NELFA: variants seen among roughly 807,000 people sequenced by gnomAD.
NELFA encodes negative elongation factor complex member A.
Under a neutral mutation model 51.8 loss-of-function variants are expected in NELFA, and 35 were observed. The ratio of observed to expected loss-of-function variants is 0.68; its 90% confidence interval spans 0.52 to 0.90. NELFA has a LOEUF of 0.90. Among genes scored for constraint, NELFA ranks in the 40% least tolerant of loss-of-function variants. NELFA has a pLI of 0.00. For missense variants in NELFA, 658 were observed against 746.4 expected, an observed-to-expected ratio of 0.88 and a Z score of 1.38; for synonymous variants, 417 against 338.4, an observed-to-expected ratio of 1.23 and a Z score of -2.55.
intron 1 of NELFA, among the ~76,000 whole-genome samples, chr4:1,994,631 G>A (rs529118994): frequency 2.9e-4 from 44 of 151,544 alleles, no homozygotes; most frequent in Non-Finnish European, 4.4e-4. Flanking sequence ...TGAGGTGGGC[G>A]GATCACAAGG....
At chr4:1,997,829 G>A (rs1728472548) in intron 1 of NELFA, among the ~76,000 whole-genome samples, 1 of 152,192 alleles carries the variant, frequency 6.6e-6, no homozygotes. Flanking sequence ...CCAACTAGGT[G>A]AGACCCTCCA....
At chr4:1,999,147 A>G (rs1728506056) in intron 1 of NELFA, among the ~76,000 whole-genome samples, 1 of 151,920 alleles carries the variant, frequency 6.6e-6, no homozygotes, top group Admixed American at 6.6e-5. Flanking sequence ...CTCTGGAAAG[A>G]AGCACTAAAT....
At chr4:1,996,571 T>A (rs550340239) in intron 1 of NELFA, among the ~76,000 whole-genome samples, 7 of 152,308 alleles carry the variant, frequency 4.6e-5, no homozygotes, top group African/African-American at 1.7e-4. Flanking sequence ...TCAACAAACA[T>A]CTGGTGAGAT....
At chr4:1,993,053 C>A (rs1273011764) in intron 1 of NELFA, among the ~76,000 whole-genome samples, 1 of 152,242 alleles carries the variant, frequency 6.6e-6, no homozygotes, top group Admixed American at 6.5e-5. Flanking sequence ...CACGCTGCCT[C>A]TGGCAGCCGC....
chr4:1,992,550 C>A (rs561564065), intron 1 of NELFA: 2 of 357,848 alleles, frequency 5.6e-6, no homozygotes, highest in Admixed American at 3.3e-5. Flanking sequence ...GCTGGGCTGG[C>A]TGGCGCTGGG....
chr4:1,984,026 G>A lies in NELFA; in HGVS notation c.1124C>T (p.Pro375Leu). 1 of 1,607,658 alleles carries A rather than the reference G, an allele frequency of 6.2e-7. No individual in the cohort carries two copies. The highest frequency in any genetic ancestry group is 1.3e-5 in the African/African-American group (1 of 75,024). ...TLPAQFKQRAPMYNSGLSPAT... is the reference protein window; with the variant it reads ...TLPAQFKQRALMYNSGLSPAT... ...AGGGCTCAGGCCGCTGTTGTACATG[G>A]GCGCCCGCTGCTTGAACTGCGCTGG... Residue 375 changes from proline (P) to leucine (L), a missense_variant, in exon 9 of 11, where the codon CCC (proline) becomes CTC (leucine). Pro to Leu is a moderately conservative substitution (Grantham distance 98). Around this residue, in one of 3 missense-constraint regions of NELFA, gnomAD observed 200 missense variants for 167.9 expected, o/e 1.19. Transcript: ENST00000382882.
intron 3 of NELFA, among the ~76,000 whole-genome samples, chr4:1,988,556 C>T (rs1728181632): frequency 6.6e-6 from 1 of 152,200 alleles, no homozygotes; most frequent in Non-Finnish European, 1.5e-5. Flanking sequence ...CGGGGCTGCA[C>T]GGAGCCTCCC....
rs550420710 is a variant in NELFA at position 1,988,091 on chromosome 4, C to G, written c.545-84G>C. ...TAAAAACATCTCTGTCAAGTGGATT[C>G]ATCCGACGGCCTGAGCCGTGAACGC... On this transcript the variant is annotated intron_variant, in intron 3 of 10. Transcript: ENST00000382882. The G allele has an allele frequency of 5.0e-6, 6 of 1,193,280 alleles. No individual in the cohort carries two copies. In the East Asian group the frequency reaches 1.5e-4, roughly 29 times the overall value. The allele number at this position is 1,193,280 out of a possible 1,614,324, so 73.9% of individuals were successfully genotyped here.
At position 2,008,897 on chromosome 4, in the gene NELFA, G is replaced by A. The variant is rs768611590; in HGVS notation, c.63C>T (p.Asp21=). ...CGATGCTGGGCGGCGCCCACAGCTC[G>A]TCCGTGGCCCCCAGCTTGTTGTGCA... is the stretch of plus-strand genomic sequence containing the variant. ...LWLHNKLGAT[D]ELWAPPSIAS... Residue 21 remains aspartate (D), a synonymous_variant, in exon 1 of 11, where the codon GAC becomes GAT. Coordinates refer to ENST00000382882, the MANE Select transcript of NELFA (RefSeq NM_005663.5). The A allele has an allele frequency of 8.2e-6, 13 of 1,586,596 alleles. No individual in the cohort carries two copies. In the South Asian group the frequency reaches 1.0e-4, roughly 13 times the overall value.
chr4:1,996,415 G>A (rs747930747), intron 1 of NELFA, among the ~76,000 whole-genome samples: 2 of 152,052 alleles, frequency 1.3e-5, no homozygotes, highest in South Asian at 2.1e-4. Context: ...ATACACACAC[G>A]AAAAGAAGCC....
At chr4:1,995,496 T>A (rs1051089711) in intron 1 of NELFA, among the ~76,000 whole-genome samples, 3 of 152,216 alleles carry the variant, frequency 2.0e-5, no homozygotes, top group Non-Finnish European at 4.4e-5. Context: ...AACCTTTTTT[T>A]AAATACCAAG....
chr4:1,991,676 G>C lies in NELFA; in HGVS notation c.250C>G (p.Leu84Val), dbSNP rs201015263. The change falls in exon 2 of 11, where the codon CTC becomes GTC. Residue 84 changes from leucine to valine, a missense_variant. Coordinates refer to ENST00000382882, the MANE Select transcript of NELFA (RefSeq NM_005663.5). ...ATGAGCACCCAGGGGTCCGAGTCGAGGCTGGCGAGCTGGATGATCTCCATT... is the reference window on the plus strand; with the variant it reads ...ATGAGCACCCAGGGGTCCGAGTCGACGCTGGCGAGCTGGATGATCTCCATT... ...ALMEIIQLASLDSDPWVLMVA... is the reference protein window; with the variant it reads ...ALMEIIQLASVDSDPWVLMVA... The C allele has an allele frequency of 1.9e-6, 3 of 1,612,262 alleles. No homozygotes were observed. The African/African-American group carries it at 4.0e-5, about 22-fold the overall frequency.
intron 8 of NELFA, 134 bp downstream of exon 8, chr4:1,984,674 G>A: frequency 3.1e-6 from 2 of 649,462 alleles, no homozygotes; most frequent in East Asian, 2.8e-5. Flanking sequence ...TCTGCCCCCA[G>A]CAGATTCTGG....
intron 7 of NELFA, 79 bp downstream of exon 7, chr4:1,985,697 G>A (rs1187322955): frequency 1.9e-6 from 2 of 1,079,228 alleles, no homozygotes; most frequent in East Asian, 4.8e-5. Context: ...TTCTCCGACA[G>A]AGCACACTAG....
intron 1 of NELFA, chr4:2,008,022 A>C (rs1245335606): frequency 2.2e-6 from 1 of 457,024 alleles, no homozygotes; most frequent in East Asian, 6.9e-5. Context: ...TAAAACGGAC[A>C]CAGAGCGCTC....
At chr4:1,988,346 C>T (rs1728173708) in intron 3 of NELFA, among the ~76,000 whole-genome samples, 1 of 152,262 alleles carries the variant, frequency 6.6e-6, no homozygotes, top group South Asian at 2.1e-4. Context: ...GCACCGTCCT[C>T]GCTGAGGGTC....
At chr4:1,991,871 G>A (rs1728278686) in intron 1 of NELFA, 156 bp from the exon 2 acceptor site, 4 of 731,570 alleles carry the variant, frequency 5.5e-6, no homozygotes, top group Non-Finnish European at 8.6e-6. Context: ...TGAGCCCCCC[G>A]CCTCACCCCA....
At chr4:1,997,681 A>G (rs1728461654) in intron 1 of NELFA, among the ~76,000 whole-genome samples, 1 of 152,226 alleles carries the variant, frequency 6.6e-6, no homozygotes, top group Admixed American at 6.5e-5. Flanking sequence ...CACTATGGAA[A>G]ATAGTTTGGC....
chr4:1,994,175 G>A (rs1195568963), intron 1 of NELFA, among the ~76,000 whole-genome samples: 8 of 152,150 alleles, frequency 5.3e-5, no homozygotes, highest in Admixed American at 6.5e-5. Flanking sequence ...TGAGGCAGGA[G>A]GATCACTTGA....
Sources: allele counts gnomAD v4.1 joint callset (sites outside exome capture counted in the v4.1 genomes callset), GRCh38; gene constraint gnomAD v4.1.1; regional missense constraint gnomAD v4.1.1; transcripts MANE v1.5; gene names NCBI Gene and HGNC (gene_info 2026-07-23, HGNC 2026-07-21).